Variants in TRIM6 observed in about 807,000 individuals in gnomAD.
The protein encoded by TRIM6 is tripartite motif containing 6, also known as tripartite motif-containing protein 6.
A neutral mutation model predicts 51.2 loss-of-function variants in TRIM6; 43 were observed. That is an observed-to-expected ratio of 0.84 (90% CI 0.66 to 1.08). The LOEUF is 1.08. Ranked by LOEUF, TRIM6 falls within the 50% of genes least tolerant of loss-of-function variation. The pLI is 0.00. For synonymous variants in TRIM6, 215 were observed against 232.4 expected (o/e 0.93, Z 0.68); for missense variants, 669 against 619.0 (o/e 1.08, Z -0.86).
Position 5,608,390 on chromosome 11 carries a change from G to A in TRIM6, c.853G>A (p.Glu285Lys), listed in dbSNP as rs199973005. 1.5e-5 allele frequency: 25 copies of A among 1,613,706 alleles called. No individual in the cohort carries two copies. In the East Asian group the frequency reaches 5.4e-4, roughly 35 times the overall value. The part of the protein sequence containing the change: ...ELLQDVSDVT[E>K]RSEFWTLRKP... ...TTCCTAGGATGTGAGTGATGTCACAGAAAGGTATGTGTAAGGAGAACATGA... is the reference window on the plus strand; with the variant it reads ...TTCCTAGGATGTGAGTGATGTCACAAAAAGGTATGTGTAAGGAGAACATGA... Residue 285 changes from glutamate to lysine, a missense_variant, in exon 5 of 8, where the codon GAA becomes AAA. Coordinates refer to ENST00000380097, the MANE Select transcript of TRIM6 (RefSeq NM_001003818.3).
chr11:5,597,730 G>C (rs565910031), intron 1 of TRIM6, among the ~76,000 whole-genome samples: 1 of 152,212 alleles, frequency 6.6e-6, no homozygotes, highest in African/African-American at 2.4e-5. Flanking sequence ...TTTTTATTCT[G>C]AAAGCCATTT....
At chr11:5,610,460 T>C (rs773682847) in intron 6 of TRIM6, 75 bp from the exon 7 acceptor site, 7 of 1,611,296 alleles carry the variant, frequency 4.3e-6, no homozygotes, top group Non-Finnish European at 5.9e-6. Flanking sequence ...TTCCCCTCAA[T>C]GTAGTAAGGA....
At chr11:5,601,366 T>C (rs1368489224) in intron 1 of TRIM6, among the ~76,000 whole-genome samples, 2 of 152,242 alleles carry the variant, frequency 1.3e-5, no homozygotes, top group Admixed American at 1.3e-4. Flanking sequence ...GAATGGAGAA[T>C]ACTCTTATTT....
intron 5 of TRIM6, among the ~76,000 whole-genome samples, chr11:5,609,182 G>A (rs4910827): frequency 0.73 from 110,473 of 151,984 alleles, 40,253 homozygotes; most frequent in East Asian, 0.77. Context: ...GACATGTCAA[G>A]CTGCTTGCAC....
rs766665673 is a variant in TRIM6 at position 5,597,934 on chromosome 11, T to A, written c.17+1020T>A. On this transcript the variant is annotated intron_variant, in intron 1 of 7. Coordinates refer to ENST00000380097, the MANE Select transcript of TRIM6 (RefSeq NM_001003818.3). ...CACCTAGAGAACTTTAATATTAAAG[T>A]GCAGATTCTGAATCATTCCAGGAAA... is the stretch of plus-strand genomic sequence containing the variant. 4.4e-5 allele frequency among the ~76,000 whole-genome samples: 6 copies of A among 136,476 alleles called. No homozygotes were observed. The Admixed American group carries it at 4.5e-4, about 10-fold the overall frequency. The allele number at this position is 136,476 out of a possible 152,430, so 89.5% of individuals were successfully genotyped here.
chr11:5,599,692 C>T (rs958639999), intron 1 of TRIM6, among the ~76,000 whole-genome samples: 28 of 144,348 alleles, frequency 1.9e-4, no homozygotes, highest in Non-Finnish European at 3.4e-4. Flanking sequence ...CTTGGGCCAC[C>T]GCGCCCGGCC....
rs1848614339 is a variant in TRIM6 at position 5,612,489 on chromosome 11, A to T, written c.*1147A>T. ...TGGGGAGAGAAAAACAATCCAATACATATTTTTCTCTCAGAATAGAAAGAA... is the reference window on the plus strand; with the variant it reads ...TGGGGAGAGAAAAACAATCCAATACTTATTTTTCTCTCAGAATAGAAAGAA... On this transcript the variant is annotated 3_prime_UTR_variant, in exon 8 of 8. Transcript: ENST00000380097. 6.6e-6 allele frequency: 1 copy of T among 152,238 alleles called. No homozygotes were observed. The highest frequency in any genetic ancestry group is 1.5e-5 in the Non-Finnish European group (1 of 68,036). The allele number at this position is 152,238 out of a possible 1,614,324, so 9.4% of individuals were successfully genotyped here. A position where few individuals can be genotyped will look rare whatever the true frequency, so the allele number is the denominator to read the frequency against.
intron 5 of TRIM6, among the ~76,000 whole-genome samples, chr11:5,609,503 T>C (rs768927934): frequency 8.5e-5 from 13 of 152,172 alleles, no homozygotes; most frequent in Non-Finnish European, 1.8e-4. Flanking sequence ...ATATCTTTTT[T>C]TAGAGGTAGC....
rs1462140023 is a variant in TRIM6, at chr11:5,596,670, C to A, written c.-228C>A. On this transcript the variant is annotated 5_prime_UTR_variant, in exon 1 of 8. Coordinates refer to ENST00000380097, the MANE Select transcript of TRIM6 (RefSeq NM_001003818.3). ...TTGGGAGATGAGCCTTCCGCAAACT[C>A]CTGACCTGTGGGTCCGTCCGTTCAA... 3.2e-6 allele frequency: 2 copies of A among 615,396 alleles called. No individual in the cohort carries two copies. The highest frequency in any genetic ancestry group is 5.5e-6 in the Non-Finnish European group (2 of 361,676). The allele number at this position is 615,396 out of a possible 1,614,324, so 38.1% of individuals were successfully genotyped here.
intron 1 of TRIM6, among the ~76,000 whole-genome samples, chr11:5,601,266 C>T (rs918989229): frequency 5.3e-5 from 8 of 152,184 alleles, no homozygotes; most frequent in Non-Finnish European, 1.0e-4. Flanking sequence ...AAGCTTTGAA[C>T]TAGCACCCTG....
At chr11:5,600,889 G>A (rs1847802188) in intron 1 of TRIM6, among the ~76,000 whole-genome samples, 1 of 152,084 alleles carries the variant, frequency 6.6e-6, no homozygotes, top group African/African-American at 2.4e-5. Context: ...AGGTAGACAA[G>A]CAGAACAAAT....
chr11:5,610,257 C>G lies in TRIM6; in HGVS notation c.958+12C>G, dbSNP rs756632855. On this transcript the variant is annotated intron_variant, in intron 6 of 7. Transcript: ENST00000380097. ...GCGAGTGTGTAGAGGTAAGGAGATT[C>G]AGGGGAAAGAGTTTGGATGTGAAAT... The G allele has an allele frequency of 1.4e-5, 23 of 1,613,838 alleles. No individual in the cohort carries two copies. Among genetic ancestry groups the G allele is most frequent in the Non-Finnish European group, 1.9e-5 (22 of 1,179,982 alleles).
At chr11:5,600,615 A>G (rs1421478729) in intron 1 of TRIM6, among the ~76,000 whole-genome samples, 1 of 152,154 alleles carries the variant, frequency 6.6e-6, no homozygotes. Context: ...AGTTTGATAT[A>G]CTTTTTAAAT....
intron 1 of TRIM6, 45 bp downstream of exon 1, chr11:5,596,959 C>T (rs751306489): frequency 1.2e-6 from 2 of 1,613,950 alleles, no homozygotes; most frequent in Admixed American, 3.3e-5. Flanking sequence ...TCACTTCTGG[C>T]AGAGGTGACA....
chr11:5,609,181 A>G (rs930243625), intron 5 of TRIM6, among the ~76,000 whole-genome samples: 1 of 152,084 alleles, frequency 6.6e-6, no homozygotes, highest in Non-Finnish European at 1.5e-5. Flanking sequence ...TGACATGTCA[A>G]GCTGCTTGCA....
Position 5,596,745 on chromosome 11 carries a change from C to G in TRIM6, c.-153C>G, listed in dbSNP as rs919881139. The G allele has an allele frequency of 8.3e-6, 10 of 1,199,044 alleles. No homozygotes were observed. The highest frequency in any genetic ancestry group is 1.2e-5 in the Non-Finnish European group (10 of 832,044). The allele number at this position is 1,199,044 out of a possible 1,614,324, so 74.3% of individuals were successfully genotyped here. A position where few individuals can be genotyped will look rare whatever the true frequency, so the allele number is the denominator to read the frequency against. ...ATCCCCTGCCTTTCTCGGAACGGAA[C>G]GGAGCAGAGTCGTGCGTGGTTGAGT... On this transcript the variant is annotated 5_prime_UTR_variant, in exon 1 of 8. Transcript: ENST00000380097.
chr11:5,611,518 A>G lies in TRIM6; in HGVS notation c.*176A>G, dbSNP rs537461225. 2 of 599,524 alleles carry G rather than the reference A, an allele frequency of 3.3e-6. No homozygotes were observed. The highest frequency in any genetic ancestry group is 2.9e-5 in the East Asian group (1 of 34,842). 37.1% of individuals were successfully genotyped at this position (599,524 alleles called of 1,614,324 possible). ...GCCCAGGCTGGAGTGCACTGGCGCA[A>G]TCTCGGCTCACTGCAACCTCTGCCT... On this transcript the variant is annotated 3_prime_UTR_variant, in exon 8 of 8. Coordinates refer to ENST00000380097, the MANE Select transcript of TRIM6 (RefSeq NM_001003818.3).
chr11:5,605,238 G>C (rs1054239762), intron 3 of TRIM6, 99 bp from the exon 4 acceptor site: 18 of 1,530,214 alleles, frequency 1.2e-5, no homozygotes, highest in Non-Finnish European at 1.6e-5. Context: ...GGGAGGCTTG[G>C]CCCAGGAAAG....
Position 5,610,344 on chromosome 11 carries a change from A to G in TRIM6, c.958+99A>G, listed in dbSNP as rs185570122. On this transcript the variant is annotated intron_variant, in intron 6 of 7. Transcript: ENST00000380097. The stretch of plus-strand genomic sequence containing the variant: ...TAGTCGGTATTTGAGCATAGTGGCA[A>G]AGAGGGAGGTCCCAGAGGGAGGGAC... The G allele has an allele frequency of 3.3e-5, 53 of 1,584,376 alleles. No individual in the cohort carries two copies. In the East Asian group the frequency reaches 1.2e-3, roughly 35 times the overall value.
Sources: gnomAD v4.1 joint callset for allele counts (sites outside exome capture counted in the v4.1 genomes callset) on GRCh38, gnomAD v4.1.1 for gene constraint, MANE v1.5 for transcripts, NCBI Gene and HGNC (gene_info 2026-07-23, HGNC 2026-07-21) for gene names.